The following PLXNA1 variants were observed in gnomAD, a reference collection of about 807,000 sequenced individuals.
PLXNA1 encodes plexin-A1.
PLXNA1 carries 77 observed loss-of-function variants against 191.7 expected under a neutral mutation model. That is an observed-to-expected ratio of 0.40 (90% CI 0.33 to 0.49). The LOEUF is 0.49. Among genes scored for constraint, PLXNA1 ranks in the 20% least tolerant of loss-of-function variants. The pLI is 0.63. For synonymous variants in PLXNA1, 1,137 were observed against 1,156.4 expected (o/e 0.98, Z 0.34); for missense variants, 2,110 against 2,660.2 (o/e 0.79, Z 4.55).
chr3:127,002,361 C>T (rs947094952), intron 3 of PLXNA1, among the ~76,000 whole-genome samples: 1 of 152,248 alleles, frequency 6.6e-6, no homozygotes, highest in African/African-American at 2.4e-5. Context: ...CTCTTTGGCT[C>T]AGAAACACAG....
chr3:127,015,489 G>A (rs2079118485), intron 15 of PLXNA1, among the ~76,000 whole-genome samples, 169 bp downstream of exon 15: 1 of 152,254 alleles, frequency 6.6e-6, no homozygotes, highest in African/African-American at 2.4e-5. Context: ...CCTCCAGAGT[G>A]GTAGGACTGG....
chr3:127,029,443 A>C lies in PLXNA1; in HGVS notation c.4777A>C (p.Thr1593Pro). 1 of 1,613,592 alleles carries C rather than the reference A, an allele frequency of 6.2e-7. No homozygotes were observed. The highest frequency in any genetic ancestry group is 8.5e-7 in the Non-Finnish European group (1 of 1,179,794). ...RLNTLAHYQV[T>P]DGSSVALVPK... Reference sequence around the variant, plus strand: ...GTCCCTGGCCCTCTGCCCACAGGTGACAGACGGGTCCTCGGTGGCACTGGT... The same window carrying C: ...GTCCCTGGCCCTCTGCCCACAGGTGCCAGACGGGTCCTCGGTGGCACTGGT... Residue 1593 changes from threonine to proline, a missense_variant, in exon 27 of 32, where the codon ACA becomes CCA. Physicochemically the swap from Thr to Pro is conservative, Grantham distance 38. This residue lies in a region of PLXNA1 where 559 missense variants were observed against 911.5 expected (regional missense o/e 0.61). Transcript: ENST00000393409.
chr3:127,009,402 G>A (rs895820055), intron 9 of PLXNA1, among the ~76,000 whole-genome samples: 2 of 152,106 alleles, frequency 1.3e-5, no homozygotes, highest in East Asian at 1.9e-4. Context: ...CTGGGGGCAC[G>A]TGTGGGGTCG....
chr3:127,012,834 T>G (rs1230937119), intron 10 of PLXNA1, among the ~76,000 whole-genome samples: 1 of 152,224 alleles, frequency 6.6e-6, no homozygotes, highest in Non-Finnish European at 1.5e-5. Context: ...AGGCCTGGGC[T>G]GAAGTCCTGC....
chr3:126,988,890 C>T lies in PLXNA1; in HGVS notation c.297C>T (p.Pro99=), dbSNP rs1337139877. 6.2e-7 allele frequency: 1 copy of T among 1,613,204 alleles called. No homozygotes were observed. Among genetic ancestry groups the T allele is most frequent in the East Asian group, 2.2e-5 (1 of 44,902 alleles). The part of the protein sequence containing the change: ...VEDNEKCYPP[P]SVQSCPHGLG... Reference sequence around the variant, plus strand: ...ACAACGAGAAGTGCTACCCGCCGCCCAGCGTGCAGTCCTGCCCCCACGGCC... The same window carrying T: ...ACAACGAGAAGTGCTACCCGCCGCCTAGCGTGCAGTCCTGCCCCCACGGCC... The change falls in exon 2 of 32, where the codon CCC becomes CCT. Residue 99 remains proline, a synonymous_variant. Coordinates refer to ENST00000393409, the MANE Select transcript of PLXNA1 (RefSeq NM_032242.4).
At chr3:127,013,774 G>A (rs1559960936) in intron 10 of PLXNA1, among the ~76,000 whole-genome samples, 2 of 152,352 alleles carry the variant, frequency 1.3e-5, no homozygotes, top group East Asian at 3.9e-4. Flanking sequence ...CCAAGGGGGT[G>A]CCACAGAGGT....
In PLXNA1 at chr3:126,989,443, C is replaced by T. The variant is rs780432922; in HGVS notation, c.850C>T (p.Arg284Trp). Residue 284 changes from arginine (R) to tryptophan (W), a missense_variant, in exon 2 of 32, where the codon CGG becomes TGG. By Grantham distance (101) the Arg-to-Trp change is moderately radical. This residue lies in a region of PLXNA1 where 903 missense variants were observed against 1,015.7 expected (regional missense o/e 0.89). Coordinates refer to ENST00000393409, the MANE Select transcript of PLXNA1 (RefSeq NM_032242.4). ...GEHFFTSKIV[R>W]LCVDDPKFYS... ...GCACTTCTTCACGTCCAAGATCGTG[C>T]GGCTCTGTGTGGACGACCCCAAATT... The T allele has an allele frequency of 2.5e-6, 4 of 1,613,640 alleles. No individual in the cohort carries two copies. Among genetic ancestry groups the T allele is most frequent in the Non-Finnish European group, 3.4e-6 (4 of 1,180,044 alleles).
At chr3:127,016,766 C>A in intron 16 of PLXNA1, 82 bp downstream of exon 16, 2 of 1,510,904 alleles carry the variant, frequency 1.3e-6, no homozygotes, top group South Asian at 1.2e-5. Context: ...GGGCACTTGG[C>A]GGTGGCCCTC....
At position 126,999,324 on chromosome 3, in the gene PLXNA1, G is replaced by A. The variant is rs530990470; in HGVS notation, c.1378-4006G>A. On this transcript the variant is annotated intron_variant, in intron 3 of 31. Transcript: ENST00000393409. ...TGGGCACCTCCTTAGCTGCTGCCCC[G>A]GTCTTTGCCTGTCCCCACCTTGTCC... is the stretch of plus-strand genomic sequence containing the variant. 1.5e-4 allele frequency among the ~76,000 whole-genome samples: 23 copies of A among 152,306 alleles called. No individual in the cohort carries two copies. The East Asian group carries it at 3.9e-3, about 26-fold the overall frequency.
chr3:126,996,013 G>A (rs1484975572), intron 3 of PLXNA1, among the ~76,000 whole-genome samples: 1 of 152,166 alleles, frequency 6.6e-6, no homozygotes, highest in Non-Finnish European at 1.5e-5. Flanking sequence ...TGTGCTCATG[G>A]GCCCTCAGGA....
intron 9 of PLXNA1, among the ~76,000 whole-genome samples, chr3:127,008,952 G>A (rs1272504827): frequency 6.6e-6 from 1 of 152,180 alleles, no homozygotes; most frequent in Non-Finnish European, 1.5e-5. Flanking sequence ...CAGTGGGTAT[G>A]CAGGAGCCAG....
At chr3:127,032,052 T>C (rs1272456862) in intron 29 of PLXNA1, 2 of 331,980 alleles carry the variant, frequency 6.0e-6, no homozygotes, top group Non-Finnish European at 1.2e-5. Flanking sequence ...GAGCCATGAG[T>C]GCAAGCCAGC....
At chr3:127,026,447 C>T (rs575103942) in intron 23 of PLXNA1, 7 of 152,312 alleles carry the variant, frequency 4.6e-5, no homozygotes, top group Admixed American at 3.9e-4. Flanking sequence ...GACTAGCTGC[C>T]GTCCTTTCAC....
intron 30 of PLXNA1, 33 bp downstream of exon 30, chr3:127,032,632 G>A (rs375694129): frequency 3.5e-5 from 57 of 1,609,700 alleles, no homozygotes; most frequent in Non-Finnish European, 4.3e-5. Flanking sequence ...GGGGGCAGGG[G>A]CCCGGGGGCA....
rs762116933 is a variant in PLXNA1, at chr3:126,989,403, T to C, written c.810T>C (p.Pro270=). ...AGCTAGACACACAGCTGACCTCGCC[T>C]GATGCCGCCGGCGAGCACTTCTTCA... ...TLQLDTQLTS[P]DAAGEHFFTS... is the part of the protein sequence containing the mutation. The change falls in exon 2 of 32, where the codon CCT becomes CCC. Residue 270 remains proline (P), a synonymous_variant. Transcript: ENST00000393409. 2.3e-5 allele frequency: 37 copies of C among 1,613,446 alleles called. No individual in the cohort carries two copies. Among genetic ancestry groups the C allele is most frequent in the Non-Finnish European group, 3.4e-6 (4 of 1,180,042 alleles).
In PLXNA1 at chr3:127,034,046, CAGCGTGAGGACAGCTG is replaced by C; in HGVS notation, c.*33_*48del. 6.4e-7 allele frequency: 1 copy of C among 1,558,354 alleles called. No individual in the cohort carries two copies. On this transcript the variant is annotated 3_prime_UTR_variant, in exon 32 of 32. Coordinates refer to ENST00000393409, the MANE Select transcript of PLXNA1 (RefSeq NM_032242.4). ...CCAGCTGTGATCATCCAGCATGATG[CAGCGTGAGGACAGCTG>C]AGCAGGGACCGGGACAGCCCTCACC...
chr3:127,030,144 C>G (rs2079201054), intron 28 of PLXNA1, 80 bp downstream of exon 28: 4 of 1,586,654 alleles, frequency 2.5e-6, no homozygotes, highest in East Asian at 2.2e-5. Context: ...GAGCAAGGGC[C>G]TCACCCCCAT....
chr3:127,014,903 C>T (rs1283363803), intron 14 of PLXNA1, 72 bp downstream of exon 14: 10 of 1,554,128 alleles, frequency 6.4e-6, no homozygotes, highest in Non-Finnish European at 7.8e-6. Context: ...GCTTCTGTGC[C>T]TCTTCAGGGC....
At chr3:126,995,359 C>A (rs1214565529) in intron 3 of PLXNA1, among the ~76,000 whole-genome samples, 3 of 152,222 alleles carry the variant, frequency 2.0e-5, no homozygotes, top group Admixed American at 2.0e-4. Flanking sequence ...AGGAGCAGCC[C>A]CTGTTTTGGG....
Sources: gnomAD v4.1 joint callset for allele counts (sites outside exome capture counted in the v4.1 genomes callset) on GRCh38, gnomAD v4.1.1 for gene constraint, gnomAD v4.1.1 regional missense constraint, MANE v1.5 for transcripts, NCBI Gene and HGNC (gene_info 2026-07-23, HGNC 2026-07-21) for gene names.